NCKAP1: variants seen among roughly 807,000 people sequenced by gnomAD.
NCKAP1 encodes the protein nck-associated protein 1.
A neutral mutation model predicts 151.2 loss-of-function variants in NCKAP1; 21 were observed. The observed-to-expected ratio is 0.14, with a 90% CI of 0.10 to 0.20. The LOEUF is 0.20. Ranked by LOEUF, NCKAP1 falls within the 10% of genes least tolerant of loss-of-function variation. The pLI is 1.00. For synonymous variants in NCKAP1, 484 were observed against 451.8 expected, an observed-to-expected ratio of 1.07 and a Z score of -0.90; for missense variants, 933 against 1,352.1, an observed-to-expected ratio of 0.69 and a Z score of 4.86.
At chr2:183,008,837 G>A (rs1395428527) in intron 2 of NCKAP1, among the ~76,000 whole-genome samples, 1 of 152,114 alleles carries the variant, frequency 6.6e-6, no homozygotes, top group Non-Finnish European at 1.5e-5. Flanking sequence ...GCAAAGGAAA[G>A]CATAAAAGAA....
At chr2:182,970,749 TG>T (rs1425788782) in intron 15 of NCKAP1, among the ~76,000 whole-genome samples, 1 of 152,186 alleles carries the variant, frequency 6.6e-6, no homozygotes, top group Non-Finnish European at 1.5e-5. Context: ...AACACAGGAC[TG>T]GAAGTCCTGG....
chr2:182,933,045 A>G (rs754156941), intron 26 of NCKAP1, among the ~76,000 whole-genome samples: 8 of 152,214 alleles, frequency 5.3e-5, no homozygotes, highest in Non-Finnish European at 1.0e-4. Flanking sequence ...ATTATAATAC[A>G]AGGCAGATTA....
chr2:182,976,544 G>C (rs544408757), intron 15 of NCKAP1, among the ~76,000 whole-genome samples: 24 of 152,278 alleles, frequency 1.6e-4, no homozygotes, highest in African/African-American at 5.8e-4. Context: ...TTCTTTATTA[G>C]AAAAAGTTTG....
intron 14 of NCKAP1, 88 bp from the exon 15 acceptor site, chr2:182,977,039 C>T: frequency 1.2e-6 from 1 of 840,856 alleles, no homozygotes; most frequent in African/African-American, 1.8e-5. Flanking sequence ...AGAGCTAAGA[C>T]AATTCTACTT....
At chr2:182,961,980 T>C (rs552225833) in intron 18 of NCKAP1, among the ~76,000 whole-genome samples, 179 bp downstream of exon 18, 1 of 152,334 alleles carries the variant, frequency 6.6e-6, no homozygotes, top group South Asian at 2.1e-4. Flanking sequence ...ACGTACAGTC[T>C]TGCCAGAAAG....
At position 182,985,866 on chromosome 2, in the gene NCKAP1, G is replaced by T. The variant is rs1698046848; in HGVS notation, c.1004+305C>A. 1.3e-5 allele frequency among the ~76,000 whole-genome samples: 2 copies of T among 151,332 alleles called. 1 individual carries two copies. The highest frequency in any genetic ancestry group is 2.9e-5 in the Non-Finnish European group (2 of 67,904). On this transcript the variant is annotated intron_variant, in intron 10 of 30. Coordinates refer to ENST00000361354, the MANE Select transcript of NCKAP1 (RefSeq NM_013436.5). ...ATATGGATATATTAATTTTCATGTA[G>T]TAGTACAAAAATCATATTGGTATGC...
At position 182,918,070 on chromosome 2, in the gene NCKAP1, C is replaced by G. The variant is rs1275324642; in HGVS notation, c.*7632G>C. 1.3e-5 allele frequency: 2 copies of G among 152,090 alleles called. No homozygotes were observed. Among genetic ancestry groups the G allele is most frequent in the Non-Finnish European group, 2.9e-5 (2 of 68,012 alleles). 9.4% of individuals were successfully genotyped at this position (152,090 alleles called of 1,614,324 possible). A position where few individuals can be genotyped will look rare whatever the true frequency, so the allele number is the denominator to read the frequency against. The stretch of plus-strand genomic sequence containing the variant: ...GCCTTAGGTTTTAATCTCAGCACTG[C>G]CACTCAAACTCAGTAATTTTATGAC... On this transcript the variant is annotated 3_prime_UTR_variant, in exon 31 of 31. Coordinates refer to ENST00000361354, the MANE Select transcript of NCKAP1 (RefSeq NM_013436.5).
chr2:182,928,083 A>T, intron 29 of NCKAP1, 34 bp downstream of exon 29: 2 of 1,436,002 alleles, frequency 1.4e-6, no homozygotes, highest in Non-Finnish European at 1.9e-6. Context: ...TTCTTTATAA[A>T]ATGTGATGAG....
intron 2 of NCKAP1, among the ~76,000 whole-genome samples, chr2:183,019,653 T>A (rs565914798): frequency 6.6e-6 from 1 of 152,310 alleles, no homozygotes; most frequent in African/African-American, 2.4e-5. Flanking sequence ...TAATCTGAAA[T>A]TAAATGAGGA....
chr2:182,928,772 A>G lies in NCKAP1; in HGVS notation c.3070+11T>C, dbSNP rs767817193. ...TTATTCATCGCCAAAACAATTTTAA[A>G]CCACTATTACCTTCTATAGCAGGGC... On this transcript the variant is annotated intron_variant, in intron 28 of 30. Transcript: ENST00000361354. 10 of 1,518,512 alleles carry G rather than the reference A, an allele frequency of 6.6e-6. No homozygotes were observed. In the African/African-American group the frequency reaches 1.3e-4, roughly 19 times the overall value. The allele number at this position is 1,518,512 out of a possible 1,614,324, so 94.1% of individuals were successfully genotyped here.
intron 8 of NCKAP1, among the ~76,000 whole-genome samples, chr2:182,989,785 A>G (rs2105862614): frequency 6.6e-6 from 1 of 151,934 alleles, no homozygotes; most frequent in African/African-American, 2.4e-5. Flanking sequence ...GCGGATCATG[A>G]GGTTAGGAGT....
At chr2:183,000,961 A>T (rs750279511) in intron 6 of NCKAP1, among the ~76,000 whole-genome samples, 4 of 152,088 alleles carry the variant, frequency 2.6e-5, no homozygotes, top group Non-Finnish European at 5.9e-5. Flanking sequence ...CAGGCGTGGT[A>T]GTGCATGCCT....
Position 182,968,272 on chromosome 2 carries a change from G to T in NCKAP1, c.1483-911C>A, listed in dbSNP as rs548459194. On this transcript the variant is annotated intron_variant, in intron 15 of 30. Coordinates refer to ENST00000361354, the MANE Select transcript of NCKAP1 (RefSeq NM_013436.5). Reference sequence around the variant, plus strand: ...AGAAATCTATTAGAAGGCAGTAGTGGCAATAAGACGGCATTACAATGGTCT... The same window carrying T: ...AGAAATCTATTAGAAGGCAGTAGTGTCAATAAGACGGCATTACAATGGTCT... Among the ~76,000 whole-genome samples the T allele has an allele frequency of 3.0e-4, 45 of 152,300 alleles. No individual in the cohort carries two copies. The South Asian group carries it at 8.5e-3, about 29-fold the overall frequency.
intron 23 of NCKAP1, among the ~76,000 whole-genome samples, chr2:182,949,541 C>A (rs995508970): frequency 2.0e-5 from 3 of 152,182 alleles, no homozygotes; most frequent in African/African-American, 7.2e-5. Flanking sequence ...GTGGCTCGTG[C>A]CTGTAATCCC....
intron 12 of NCKAP1, 79 bp from the exon 13 acceptor site, chr2:182,981,455 A>AT (rs959594364): frequency 8.8e-7 from 1 of 1,133,798 alleles, no homozygotes; most frequent in African/African-American, 1.6e-5. Flanking sequence ...CCTTAATCTT[A>AT]TTTCTAAAAG....
In NCKAP1 at chr2:182,921,725, A is replaced by T. The variant is rs1696552789; in HGVS notation, c.*3977T>A. On this transcript the variant is annotated 3_prime_UTR_variant, in exon 31 of 31. Coordinates refer to ENST00000361354, the MANE Select transcript of NCKAP1 (RefSeq NM_013436.5). ...GACAGGCTGAATACTTTTATTGGAA[A>T]TGAAACATTCCAGAGTTAGACATGT... 6.6e-6 allele frequency: 1 copy of T among 152,218 alleles called. No homozygotes were observed. Among genetic ancestry groups the T allele is most frequent in the Non-Finnish European group, 1.5e-5 (1 of 68,040 alleles). 9.4% of individuals were successfully genotyped at this position (152,218 alleles called of 1,614,324 possible). A position where few individuals can be genotyped will look rare whatever the true frequency, so the allele number is the denominator to read the frequency against.
chr2:183,037,960 C>A (rs1446099863), intron 1 of NCKAP1, 32 bp downstream of exon 1: 1 of 1,543,264 alleles, frequency 6.5e-7, no homozygotes, highest in Non-Finnish European at 8.7e-7. Flanking sequence ...GGCCCGCCCG[C>A]CTCCGCCGCG....
Position 182,962,081 on chromosome 2 carries a change from A to G in NCKAP1, c.1881+78T>C, listed in dbSNP as rs552983451. On this transcript the variant is annotated intron_variant, in intron 18 of 30. Transcript: ENST00000361354. ...TGTGGGAACTAAAGAATGGAAAGTA[A>G]AACAACAACTGGCTAAAAGCACATT... 2.7e-4 allele frequency: 386 copies of G among 1,446,844 alleles called. 3 individuals carry two copies. In the South Asian group the frequency reaches 5.0e-3, roughly 19 times the overall value. The allele number at this position is 1,446,844 out of a possible 1,614,324, so 89.6% of individuals were successfully genotyped here. A position where few individuals can be genotyped will look rare whatever the true frequency, so the allele number is the denominator to read the frequency against.
chr2:183,003,375 A>G lies in NCKAP1; in HGVS notation c.220-50T>C, dbSNP rs758149714. On this transcript the variant is annotated intron_variant, in intron 2 of 30. Transcript: ENST00000361354. The stretch of plus-strand genomic sequence containing the variant: ...TTGCTCATAGAGAACAAAAGTATTT[A>G]ATTTTACTACAAACTATCTTCTTTT... 3 of 1,055,902 alleles carry G rather than the reference A, an allele frequency of 2.8e-6. No individual in the cohort carries two copies. The East Asian group carries it at 7.3e-5, about 26-fold the overall frequency. 65.4% of individuals were successfully genotyped at this position (1,055,902 alleles called of 1,614,324 possible). A position where few individuals can be genotyped will look rare whatever the true frequency, so the allele number is the denominator to read the frequency against.
Sources: allele counts gnomAD v4.1 joint callset (sites outside exome capture counted in the v4.1 genomes callset), GRCh38; gene constraint gnomAD v4.1.1; transcripts MANE v1.5; gene names NCBI Gene and HGNC (gene_info 2026-07-23, HGNC 2026-07-21).